ZDHHC14: variants seen among roughly 807,000 people sequenced by gnomAD.
ZDHHC14 encodes the protein palmitoyltransferase ZDHHC14.
In ZDHHC14, 16 loss-of-function variants were observed where a neutral mutation model predicts 47.7. The ratio of observed to expected loss-of-function variants is 0.34; its 90% CI spans 0.23 to 0.51. The LOEUF (loss-of-function observed/expected upper bound fraction) is 0.51, where lower values mean the gene tolerates loss of function less well. Among genes scored for constraint, ZDHHC14 ranks in the 20% least tolerant of loss-of-function variants. The probability of loss-of-function intolerance (pLI) is 0.97; values close to 1 mark genes in which losing one functional copy is unlikely to be tolerated. For missense variants in ZDHHC14, 515 were observed against 662.5 expected (o/e 0.78, Z 2.44); for synonymous variants, 293 against 278.9 (o/e 1.05, Z -0.50).
intron 3 of ZDHHC14, among the ~76,000 whole-genome samples, chr6:157,617,238 T>C (rs1410410673): frequency 6.6e-6 from 1 of 152,186 alleles, no homozygotes; most frequent in East Asian, 1.9e-4. Flanking sequence ...GTGGTACATA[T>C]TTGCATTTCT....
At chr6:157,450,662 C>T (rs760690070) in intron 1 of ZDHHC14, among the ~76,000 whole-genome samples, 9 of 152,242 alleles carry the variant, frequency 5.9e-5, no homozygotes, top group South Asian at 4.1e-4. Context: ...AAAAACCTAA[C>T]CAGTTTGTGA....
intron 1 of ZDHHC14, among the ~76,000 whole-genome samples, chr6:157,485,321 C>T (rs1219892219): frequency 6.6e-6 from 1 of 152,020 alleles, no homozygotes; most frequent in Admixed American, 6.5e-5. Context: ...CACCCGGGAT[C>T]CACCCCTGGG....
rs1432954669 is a variant in ZDHHC14, at chr6:157,382,091, C to G, written c.70C>G (p.Pro24Ala). 8 of 1,610,958 alleles carry G rather than the reference C, an allele frequency of 5.0e-6. No individual in the cohort carries two copies. The highest frequency in any genetic ancestry group is 1.7e-5 in the Admixed American group (1 of 59,488). ...YSQISTHSSS[P>A]MESPHKKKKI... ...CCAGATCAGCACCCACAGCTCCTCCCCCATGGAGTCGCCCCACAAGAAGAA... is the reference window on the plus strand; with the variant it reads ...CCAGATCAGCACCCACAGCTCCTCCGCCATGGAGTCGCCCCACAAGAAGAA... Residue 24 changes from proline to alanine, a missense_variant, in exon 1 of 9, where the codon CCC becomes GCC. Pro to Ala is a conservative substitution (Grantham distance 27, BLOSUM62 -1). This residue lies in a region of ZDHHC14 where 59 missense variants were observed against 57.7 expected (regional missense o/e 1.02). Transcript: ENST00000359775.
intron 1 of ZDHHC14, among the ~76,000 whole-genome samples, chr6:157,399,460 G>C (rs1054209245): frequency 5.9e-5 from 9 of 152,198 alleles, no homozygotes; most frequent in Admixed American, 2.6e-4. Flanking sequence ...CCTGTCTTCG[G>C]GCGGGCTTAG....
intron 1 of ZDHHC14, among the ~76,000 whole-genome samples, chr6:157,484,315 A>G (rs1429201372): frequency 8.9e-6 from 1 of 112,150 alleles, no homozygotes; most frequent in East Asian, 2.5e-4. Flanking sequence ...ACATATATAT[A>G]CACATATATA....
At chr6:157,605,548 G>C (rs976053455) in intron 3 of ZDHHC14, among the ~76,000 whole-genome samples, 36 of 152,308 alleles carry the variant, frequency 2.4e-4, no homozygotes, top group Non-Finnish European at 4.0e-4. Context: ...GTTCAGAGAG[G>C]GCAGAGACTT....
chr6:157,593,132 G>C lies in ZDHHC14; in HGVS notation c.551G>C (p.Cys184Ser). ...CCTCGCGCCTCCCATTGCAGCCTTTGTGATAACTGCGTAGGTGAGTAGTGC... is the reference window on the plus strand; with the variant it reads ...CCTCGCGCCTCCCATTGCAGCCTTTCTGATAACTGCGTAGGTGAGTAGTGC... ...RPPRASHCSL[C>S]DNCVERFDHH... The change falls in exon 3 of 9, where the codon TGT (cysteine) becomes TCT (serine). Residue 184 changes from cysteine (C) to serine (S), a missense_variant. This residue lies in a region of ZDHHC14 where 229 missense variants were observed against 351.5 expected (regional missense o/e 0.65). Coordinates refer to ENST00000359775, the MANE Select transcript of ZDHHC14 (RefSeq NM_024630.3). The C allele has an allele frequency of 6.2e-7, 1 of 1,613,098 alleles. No individual in the cohort carries two copies. The highest frequency in any genetic ancestry group is 1.7e-5 in the Admixed American group (1 of 59,934).
At chr6:157,649,724 C>T (rs767862101) in intron 7 of ZDHHC14, among the ~76,000 whole-genome samples, 19 of 152,262 alleles carry the variant, frequency 1.2e-4, no homozygotes, top group South Asian at 2.1e-4. Flanking sequence ...GACCCACATT[C>T]GGTTCCTGCA....
At chr6:157,498,082 T>A (rs145605239) in intron 1 of ZDHHC14, among the ~76,000 whole-genome samples, 23 of 152,196 alleles carry the variant, frequency 1.5e-4, no homozygotes, top group African/African-American at 4.6e-4. Flanking sequence ...CCTGAACTTG[T>A]TACATGAAAA....
At chr6:157,496,741 C>T (rs1780075305) in intron 1 of ZDHHC14, among the ~76,000 whole-genome samples, 1 of 152,182 alleles carries the variant, frequency 6.6e-6, no homozygotes, top group Non-Finnish European at 1.5e-5. Flanking sequence ...TTTGGACTTC[C>T]AGCCTCCTAA....
intron 1 of ZDHHC14, among the ~76,000 whole-genome samples, chr6:157,501,867 A>G (rs1314234624): frequency 6.6e-6 from 1 of 152,206 alleles, no homozygotes; most frequent in Admixed American, 6.5e-5. Context: ...ATGATGCCTT[A>G]CTTCTCCTAA....
At chr6:157,428,505 A>T (rs1778266765) in intron 1 of ZDHHC14, among the ~76,000 whole-genome samples, 1 of 152,138 alleles carries the variant, frequency 6.6e-6, no homozygotes, top group African/African-American at 2.4e-5. Context: ...TCTTACATAA[A>T]AGGGTACTGT....
chr6:157,592,647 C>T (rs552659854), intron 2 of ZDHHC14: 14 of 752,916 alleles, frequency 1.9e-5, no homozygotes, highest in African/African-American at 1.1e-4. Flanking sequence ...AGCTGTGTCT[C>T]CCAAGATGGC....
Position 157,651,967 on chromosome 6 carries a change from C to T in ZDHHC14, c.966-1558C>T, listed in dbSNP as rs912368153. Among the ~76,000 whole-genome samples the T allele has an allele frequency of 3.3e-5, 5 of 152,246 alleles. No individual in the cohort carries two copies. The East Asian group carries it at 7.7e-4, about 23-fold the overall frequency. ...CAGCCCCATCCCTGGCTGTCACCCG[C>T]GCTAGAGGGCAGAACACCCTTCTCC... On this transcript the variant is annotated intron_variant, in intron 7 of 8. Coordinates refer to ENST00000359775, the MANE Select transcript of ZDHHC14 (RefSeq NM_024630.3).
intron 1 of ZDHHC14, among the ~76,000 whole-genome samples, chr6:157,487,968 C>G (rs1432593669): frequency 1.3e-5 from 2 of 152,162 alleles, no homozygotes; most frequent in African/African-American, 4.8e-5. Flanking sequence ...GAGCCATGTG[C>G]TGGAGATCAT....
chr6:157,436,396 A>T (rs1778439603), intron 1 of ZDHHC14, among the ~76,000 whole-genome samples: 1 of 152,192 alleles, frequency 6.6e-6, no homozygotes. Context: ...AATTCACCAG[A>T]CAATGGGAGA....
At chr6:157,615,046 G>A (rs887843899) in intron 3 of ZDHHC14, among the ~76,000 whole-genome samples, 1 of 152,154 alleles carries the variant, frequency 6.6e-6, no homozygotes, top group African/African-American at 2.4e-5. Flanking sequence ...TGGAATTACA[G>A]GCATGAGCCA....
chr6:157,672,148 C>A (rs1436015086), intron 8 of ZDHHC14, among the ~76,000 whole-genome samples: 1 of 152,194 alleles, frequency 6.6e-6, no homozygotes, highest in Non-Finnish European at 1.5e-5. Flanking sequence ...TCAAGGTCCA[C>A]CCATCTCGTG....
chr6:157,434,235 T>A (rs1039594204), intron 1 of ZDHHC14, among the ~76,000 whole-genome samples: 11 of 150,316 alleles, frequency 7.3e-5, no homozygotes, highest in Admixed American at 2.7e-4. Flanking sequence ...TATATATATA[T>A]AATTCTTTTA....
Sources: gnomAD v4.1 joint callset for allele counts (sites outside exome capture counted in the v4.1 genomes callset) on GRCh38, gnomAD v4.1.1 for gene constraint, gnomAD v4.1.1 regional missense constraint, MANE v1.5 for transcripts, NCBI Gene and HGNC (gene_info 2026-07-23, HGNC 2026-07-21) for gene names.